CSMD1: variants seen among roughly 807,000 people sequenced by gnomAD.
CSMD1 encodes CUB and sushi domain-containing protein 1.
In CSMD1, 213 loss-of-function variants were observed where a neutral mutation model predicts 417.5. That is an observed-to-expected ratio of 0.51 (90% confidence interval 0.46 to 0.57). The LOEUF (loss-of-function observed/expected upper bound fraction) is 0.57. Ranked by LOEUF, CSMD1 falls within the 20% of genes least tolerant of loss-of-function variation. The pLI is 0.00. For missense variants in CSMD1, 6,923 were observed against 4,529.7 expected (o/e 1.53, Z -15.17); for synonymous variants, 2,862 against 1,736.8 (o/e 1.65, Z -16.11).
intron 1 of CSMD1, among the ~76,000 whole-genome samples, chr8:4,843,711 T>G (rs528054029): frequency 6.6e-6 from 1 of 152,234 alleles, no homozygotes; most frequent in African/African-American, 2.4e-5. Context: ...CCAGAATATA[T>G]TATTCTGTTT....
intron 5 of CSMD1, among the ~76,000 whole-genome samples, chr8:3,785,067 T>C (rs1799379142): frequency 1.3e-5 from 2 of 152,152 alleles, no homozygotes; most frequent in Admixed American, 6.5e-5. Flanking sequence ...CACCCCTCAA[T>C]AGCATAGTGG....
intron 5 of CSMD1, among the ~76,000 whole-genome samples, chr8:3,877,674 G>C (rs1490807736): frequency 8.3e-6 from 1 of 120,100 alleles, no homozygotes; most frequent in East Asian, 2.5e-4. Context: ...ATAAGGGTCT[G>C]AGCACATGGC....
intron 1 of CSMD1, among the ~76,000 whole-genome samples, chr8:4,680,544 G>A (rs895720180): frequency 6.6e-6 from 1 of 152,116 alleles, no homozygotes; most frequent in Non-Finnish European, 1.5e-5. Flanking sequence ...TGCTGATGGT[G>A]AGCCAGCTTG....
At chr8:4,428,850 C>G (rs1217636493) in intron 2 of CSMD1, among the ~76,000 whole-genome samples, 14 of 152,176 alleles carry the variant, frequency 9.2e-5, no homozygotes, top group Admixed American at 7.9e-4. Context: ...TCCTGAGTAT[C>G]TGGGATTACA....
At chr8:3,776,999 C>T (rs967165117) in intron 5 of CSMD1, among the ~76,000 whole-genome samples, 1 of 151,694 alleles carries the variant, frequency 6.6e-6, no homozygotes, top group Non-Finnish European at 1.5e-5. Context: ...CATGCATGAC[C>T]CCCCACATCT....
intron 7 of CSMD1, among the ~76,000 whole-genome samples, chr8:3,675,923 T>C (rs962792607): frequency 3.9e-5 from 6 of 152,184 alleles, no homozygotes; most frequent in Non-Finnish European, 7.3e-5. Context: ...TGTCCCATCA[T>C]TGGAGAGTAA....
chr8:3,224,995 A>C (rs1275196585), intron 27 of CSMD1, among the ~76,000 whole-genome samples: 1 of 152,222 alleles, frequency 6.6e-6, no homozygotes, highest in Non-Finnish European at 1.5e-5. Context: ...ATTCCACTTA[A>C]ATTATATGTC....
At chr8:4,626,709 C>G (rs1585352906) in intron 2 of CSMD1, among the ~76,000 whole-genome samples, 1 of 152,024 alleles carries the variant, frequency 6.6e-6, no homozygotes, top group East Asian at 1.9e-4. Context: ...GTCTCCCCAT[C>G]CTGACCTACC....
intron 10 of CSMD1, among the ~76,000 whole-genome samples, chr8:3,511,688 G>A (rs774678111): frequency 4.6e-5 from 7 of 151,734 alleles, no homozygotes; most frequent in Non-Finnish European, 7.4e-5. Flanking sequence ...AACTGGGGCG[G>A]TGGAGGTTGT....
chr8:4,020,871 C>G (rs947639489), intron 4 of CSMD1, among the ~76,000 whole-genome samples: 9 of 152,158 alleles, frequency 5.9e-5, no homozygotes, highest in Non-Finnish European at 1.3e-4. Context: ...AAAAGGGACC[C>G]TATTTTTGGT....
intron 3 of CSMD1, among the ~76,000 whole-genome samples, chr8:4,146,150 C>G (rs1055480646): frequency 1.3e-5 from 2 of 150,820 alleles, no homozygotes; most frequent in African/African-American, 5.0e-5. Context: ...TGATGGGTGA[C>G]ATATAATCCA....
chr8:4,365,388 T>C (rs567303489), intron 3 of CSMD1, among the ~76,000 whole-genome samples: 1 of 152,276 alleles, frequency 6.6e-6, no homozygotes, highest in South Asian at 2.1e-4. Context: ...GTATTTTAGG[T>C]GTTCTTTTTA....
chr8:4,017,912 T>C (rs1796600978), intron 4 of CSMD1, among the ~76,000 whole-genome samples: 1 of 152,200 alleles, frequency 6.6e-6, no homozygotes, highest in African/African-American at 2.4e-5. Flanking sequence ...ACGGTATTTC[T>C]GATGACTCCA....
At chr8:3,546,254 AATTTTTCCTCT>A (rs1229635264) in intron 10 of CSMD1, among the ~76,000 whole-genome samples, 1 of 140,376 alleles carries the variant, frequency 7.1e-6, no homozygotes, top group African/African-American at 2.7e-5. Context: ...TGGCCACGTG[AATTTTTCCTCT>A]ATTATTAAAA....
In CSMD1 at chr8:3,396,225, G is replaced by T. The variant is rs372780899; in HGVS notation, c.2562C>A (p.Arg854=). 1.0e-5 allele frequency: 16 copies of T among 1,568,638 alleles called. No homozygotes were observed. Among genetic ancestry groups the T allele is most frequent in the Non-Finnish European group, 2.6e-6 (3 of 1,156,866 alleles). ...MYLLFTTDNS[R]SSIGFLIHYE... is the part of the protein sequence containing the mutation. ...AGTGGATGAGGAAGCCGATGCTGGA[G>T]CGGCTGTTGTCAGTGGTGAACAGCA... Residue 854 remains arginine, a synonymous_variant, in exon 17 of 70, where the codon CGC becomes CGA. Coordinates refer to ENST00000635120, the MANE Select transcript of CSMD1 (RefSeq NM_033225.6).
chr8:3,193,898 C>T (rs1796561430), intron 33 of CSMD1, among the ~76,000 whole-genome samples: 1 of 152,182 alleles, frequency 6.6e-6, no homozygotes, highest in East Asian at 1.9e-4. Flanking sequence ...ACATGCTGCT[C>T]CTTTACTGCA....
chr8:3,476,472 A>T (rs1817430377), intron 11 of CSMD1, among the ~76,000 whole-genome samples: 1 of 152,200 alleles, frequency 6.6e-6, no homozygotes, highest in African/African-American at 2.4e-5. Flanking sequence ...TTTCTGGGCC[A>T]TATGATTGAT....
chr8:2,975,231 T>C (rs1804816252), intron 55 of CSMD1, among the ~76,000 whole-genome samples: 1 of 152,208 alleles, frequency 6.6e-6, no homozygotes, highest in Non-Finnish European at 1.5e-5. Flanking sequence ...TTCATTTCCT[T>C]AAAATTATAC....
chr8:4,959,129 A>T (rs538667040), intron 1 of CSMD1, among the ~76,000 whole-genome samples: 1 of 152,228 alleles, frequency 6.6e-6, no homozygotes, highest in Non-Finnish European at 1.5e-5. Flanking sequence ...TTTAAAGGTT[A>T]TATGAGAATT....
Sources: gnomAD v4.1 joint callset for allele counts (sites outside exome capture counted in the v4.1 genomes callset) on GRCh38, gnomAD v4.1.1 for gene constraint, MANE v1.5 for transcripts, NCBI Gene and HGNC (gene_info 2026-07-23, HGNC 2026-07-21) for gene names.